PIK3R5: variants seen among roughly 807,000 people sequenced by gnomAD.
The protein encoded by PIK3R5 is phosphoinositide-3-kinase regulatory subunit 5.
Under a neutral mutation model 94.9 loss-of-function variants are expected in PIK3R5, and 32 were observed. That is an observed-to-expected ratio of 0.34 (90% confidence interval 0.25 to 0.45). The LOEUF is 0.45. PIK3R5 is among the 20% of genes least tolerant of loss of function. PIK3R5 has a pLI of 1.00. For synonymous variants in PIK3R5, 443 were observed against 479.4 expected (o/e 0.92, Z 0.99); for missense variants, 853 against 1,144.6 (o/e 0.75, Z 3.68).
chr17:8,902,120 A>C (rs1291809049), intron 5 of PIK3R5, among the ~76,000 whole-genome samples: 3 of 150,922 alleles, frequency 2.0e-5, no homozygotes, highest in African/African-American at 7.3e-5. Context: ...CTTTATGAGT[A>C]GTGAGGGTGA....
intron 1 of PIK3R5, among the ~76,000 whole-genome samples, chr17:8,962,867 C>T (rs1327573125): frequency 6.6e-6 from 1 of 152,206 alleles, no homozygotes; most frequent in African/African-American, 2.4e-5. Context: ...GTACTCTTTC[C>T]TTTCTCTCCT....
intron 1 of PIK3R5, among the ~76,000 whole-genome samples, chr17:8,947,911 CG>C (rs2091304121): frequency 6.6e-6 from 1 of 151,644 alleles, no homozygotes; most frequent in Admixed American, 6.6e-5. Context: ...GGTGTGGTGG[CG>C]GGCGCCTGTA....
intron 5 of PIK3R5, among the ~76,000 whole-genome samples, chr17:8,902,648 T>C (rs1455171114): frequency 6.6e-6 from 1 of 152,170 alleles, no homozygotes; most frequent in African/African-American, 2.4e-5. Flanking sequence ...AATTTTATGC[T>C]TTCATATCTG....
rs1333456004 is a variant in PIK3R5 at position 8,893,890 on chromosome 17, G to A, written c.413-235C>T. Reference sequence around the variant, plus strand: ...ACCTCCACCTCCAACACCAAAACTCGGTCCTGGGCCTCGCTGTCCTCTGGA... The same window carrying A: ...ACCTCCACCTCCAACACCAAAACTCAGTCCTGGGCCTCGCTGTCCTCTGGA... On this transcript the variant is annotated intron_variant, in intron 5 of 18. Coordinates refer to ENST00000447110, the MANE Select transcript of PIK3R5 (RefSeq NM_001142633.3). The surrounding 1 kb of genome is among the most constrained non-coding windows in gnomAD (Gnocchi z 5.1). The A allele has an allele frequency of 1.2e-5, 5 of 405,306 alleles. No individual in the cohort carries two copies. In the Admixed American group the frequency reaches 1.2e-4, roughly 10 times the overall value. The allele number at this position is 405,306 out of a possible 1,614,324, so 25.1% of individuals were successfully genotyped here. A position where few individuals can be genotyped will look rare whatever the true frequency, so the allele number is the denominator to read the frequency against.
At chr17:8,898,649 C>T (rs904184300) in intron 5 of PIK3R5, among the ~76,000 whole-genome samples, 1 of 152,200 alleles carries the variant, frequency 6.6e-6, no homozygotes, top group African/African-American at 2.4e-5. Flanking sequence ...ATGGGACCAA[C>T]CTATGACGGT....
chr17:8,887,048 G>T (rs1407931978), intron 12 of PIK3R5, 48 bp downstream of exon 12: 1 of 1,608,128 alleles, frequency 6.2e-7, no homozygotes, highest in East Asian at 2.2e-5. Flanking sequence ...AGTGAGGCTG[G>T]GTGACTGCAG....
intron 1 of PIK3R5, among the ~76,000 whole-genome samples, chr17:8,947,867 T>C (rs11658744): frequency 0.85 from 128,122 of 151,450 alleles, 54,455 homozygotes; most frequent in African/African-American, 0.89. Context: ...CACGGTGAAA[T>C]CCCATCTCTA....
rs577525579 is a variant in PIK3R5 at position 8,925,549 on chromosome 17, TG to T, written c.-13-14043del. Among the ~76,000 whole-genome samples, 5 of 152,180 alleles carry T rather than the reference TG, an allele frequency of 3.3e-5. No individual in the cohort carries two copies. In the South Asian group the frequency reaches 1.0e-3, roughly 32 times the overall value. ...AGATAGATAGTAGATAGATAGTAGA[TG>T]GATAGATAGATAGATAGAGAAAAAA... On this transcript the variant is annotated intron_variant, in intron 1 of 18. Coordinates refer to ENST00000447110, the MANE Select transcript of PIK3R5 (RefSeq NM_001142633.3). The surrounding 1 kb of genome is among the most constrained non-coding windows in gnomAD (Gnocchi z 5.1).
intron 1 of PIK3R5, among the ~76,000 whole-genome samples, chr17:8,941,209 T>C (rs534207641): frequency 2.0e-5 from 3 of 151,554 alleles, no homozygotes; most frequent in Admixed American, 1.3e-4. Context: ...ATGGGGTTGG[T>C]GGGGAGGCAG....
chr17:8,942,963 TACACAC>T (rs112851950), intron 1 of PIK3R5, among the ~76,000 whole-genome samples: 10 of 149,068 alleles, frequency 6.7e-5, no homozygotes, highest in African/African-American at 2.0e-4. Context: ...GATCACGTCA[TACACAC>T]ACACACACAC....
intron 1 of PIK3R5, among the ~76,000 whole-genome samples, chr17:8,918,905 G>A (rs2090678701): frequency 6.6e-6 from 1 of 152,034 alleles, no homozygotes; most frequent in East Asian, 1.9e-4. Context: ...GTGTTTTTTT[G>A]TTTTTGTTTT....
chr17:8,900,174 A>G (rs573405733), intron 5 of PIK3R5, among the ~76,000 whole-genome samples: 41 of 152,340 alleles, frequency 2.7e-4, no homozygotes, highest in Non-Finnish European at 5.3e-4. Flanking sequence ...TGGATGTGAG[A>G]TAAGTTGCAA....
At position 8,925,847 on chromosome 17, in the gene PIK3R5, T is replaced by C. The variant is rs918074703; in HGVS notation, c.-13-14340A>G. Among the ~76,000 whole-genome samples, 3 of 152,196 alleles carry C rather than the reference T, an allele frequency of 2.0e-5. No individual in the cohort carries two copies. Among genetic ancestry groups the C allele is most frequent in the Admixed American group, 6.5e-5 (1 of 15,282 alleles). ...ATCACATTCACTGAGATGGAGAAGTTTGGGGAGAGGACAATTTGGGAGAGG... is the reference window on the plus strand; with the variant it reads ...ATCACATTCACTGAGATGGAGAAGTCTGGGGAGAGGACAATTTGGGAGAGG... On this transcript the variant is annotated intron_variant, in intron 1 of 18. Coordinates refer to ENST00000447110, the MANE Select transcript of PIK3R5 (RefSeq NM_001142633.3). This position sits in a 1 kb window ranked among gnomAD's most constrained non-coding sequence, Gnocchi z 5.1.
At chr17:8,959,741 G>T (rs752527892) in intron 1 of PIK3R5, among the ~76,000 whole-genome samples, 12 of 152,204 alleles carry the variant, frequency 7.9e-5, no homozygotes, top group Non-Finnish European at 1.8e-4. Context: ...TCATGGTTCT[G>T]GGGAGAAAGC....
At chr17:8,934,889 A>C (rs1197109489) in intron 1 of PIK3R5, among the ~76,000 whole-genome samples, 1 of 152,182 alleles carries the variant, frequency 6.6e-6, no homozygotes, top group African/African-American at 2.4e-5. Flanking sequence ...TCAAGCCCAT[A>C]ACATGGCTCA....
At chr17:8,965,389 G>A (rs564711501) in intron 1 of PIK3R5, among the ~76,000 whole-genome samples, 1 of 152,364 alleles carries the variant, frequency 6.6e-6, no homozygotes, top group Non-Finnish European at 1.5e-5. Context: ...AAGTCTCTGG[G>A]GTTATCTGGA....
intron 1 of PIK3R5, among the ~76,000 whole-genome samples, chr17:8,933,801 A>G (rs1163307394): frequency 2.0e-5 from 3 of 152,212 alleles, no homozygotes; most frequent in Non-Finnish European, 4.4e-5. Flanking sequence ...CATTGTACTG[A>G]AAGTCAACTT....
At chr17:8,915,624 T>A (rs1035004070) in intron 1 of PIK3R5, 2 of 152,214 alleles carry the variant, frequency 1.3e-5, no homozygotes, top group African/African-American at 4.8e-5. Flanking sequence ...CAGGCGTCTC[T>A]AGCCTGGAGC....
At chr17:8,926,454 T>C (rs1022374533) in intron 1 of PIK3R5, among the ~76,000 whole-genome samples, 4 of 152,164 alleles carry the variant, frequency 2.6e-5, no homozygotes, top group African/African-American at 9.7e-5. Flanking sequence ...AAGACATACC[T>C]GAGACTGGGA....
Sources: allele counts gnomAD v4.1 joint callset (sites outside exome capture counted in the v4.1 genomes callset), GRCh38; gene constraint gnomAD v4.1.1; non-coding constraint Gnocchi (gnomAD v3.1); transcripts MANE v1.5; gene names NCBI Gene and HGNC (gene_info 2026-07-23, HGNC 2026-07-21).